LRRC8B: variants seen among roughly 807,000 people sequenced by gnomAD.
The protein encoded by LRRC8B is volume-regulated anion channel subunit LRRC8B.
In LRRC8B, 23 loss-of-function variants were observed where a neutral mutation model predicts 58.8. The ratio of observed to expected loss-of-function variants is 0.39; its 90% CI spans 0.28 to 0.55. The LOEUF (loss-of-function observed/expected upper bound fraction) is 0.55, where lower values mean the gene tolerates loss of function less well. Ranked by LOEUF, LRRC8B falls within the 20% of genes least tolerant of loss-of-function variation. The pLI is 0.62. For synonymous variants in LRRC8B, 359 were observed against 374.1 expected (o/e 0.96, Z 0.47); for missense variants, 694 against 936.0 (o/e 0.74, Z 3.37).
At chr1:89,565,825 C>T (rs1162814906) in intron 1 of LRRC8B, among the ~76,000 whole-genome samples, 1 of 152,222 alleles carries the variant, frequency 6.6e-6, no homozygotes, top group African/African-American at 2.4e-5. Context: ...TTTGATGCCA[C>T]TTCACACTGG....
Position 89,584,670 on chromosome 1 carries a change from C to A in LRRC8B, c.2020C>A (p.Gln674Lys). The change falls in exon 5 of 6, where the codon CAG becomes AAG. Residue 674 changes from glutamine (Q) to lysine (K), a missense_variant. Transcript: ENST00000330947. Reference sequence around the variant, plus strand: ...TAATAATATTGAGAATCTGCCCTTGCAGCTTTTCCTATGCACTAAACTACA... The same window carrying A: ...TAATAATATTGAGAATCTGCCCTTGAAGCTTTTCCTATGCACTAAACTACA... ...DHNNIENLPL[Q>K]LFLCTKLHYL... The A allele has an allele frequency of 6.2e-7, 1 of 1,613,970 alleles. No homozygotes were observed. The highest frequency in any genetic ancestry group is 1.3e-5 in the African/African-American group (1 of 75,056).
At chr1:89,582,230 A>AAAG (rs1553159363) in intron 4 of LRRC8B, among the ~76,000 whole-genome samples, 1 of 150,222 alleles carries the variant, frequency 6.7e-6, no homozygotes, top group Non-Finnish European at 1.5e-5. Flanking sequence ...AAGGAAGAAA[A>AAAG]AAAGAAAGAA....
intron 4 of LRRC8B, among the ~76,000 whole-genome samples, chr1:89,581,267 C>T (rs1283991189): frequency 2.4e-5 from 3 of 122,686 alleles, no homozygotes; most frequent in Non-Finnish European, 3.5e-5. Flanking sequence ...CCACTAGACT[C>T]CGTCTCAAAA....
At chr1:89,543,863 C>G (rs1651208033) in intron 1 of LRRC8B, among the ~76,000 whole-genome samples, 1 of 151,818 alleles carries the variant, frequency 6.6e-6, no homozygotes, top group African/African-American at 2.4e-5. Context: ...TCATGGCTCA[C>G]TCCAGCCCCG....
chr1:89,542,923 A>G (rs1345758398), intron 1 of LRRC8B, among the ~76,000 whole-genome samples: 1 of 152,226 alleles, frequency 6.6e-6, no homozygotes, highest in Non-Finnish European at 1.5e-5. Flanking sequence ...TATTAAGGCA[A>G]GCTCCACCTG....
chr1:89,571,403 G>A (rs927318596), intron 3 of LRRC8B, among the ~76,000 whole-genome samples: 2 of 152,196 alleles, frequency 1.3e-5, no homozygotes, highest in Admixed American at 6.5e-5. Context: ...TTGAGCAATG[G>A]TTTGTAGTTC....
chr1:89,577,964 G>A (rs1025726678), intron 3 of LRRC8B, among the ~76,000 whole-genome samples: 1 of 152,162 alleles, frequency 6.6e-6, no homozygotes, highest in African/African-American at 2.4e-5. Context: ...ATGTGGTCTG[G>A]TGTGCATGAG....
intron 3 of LRRC8B, among the ~76,000 whole-genome samples, chr1:89,573,224 T>C (rs12145608): frequency 0.47 from 71,567 of 151,188 alleles, 17,728 homozygotes; most frequent in South Asian, 0.57. Context: ...GGTGTGAACC[T>C]GGGAGGCGGA....
At chr1:89,528,619 G>T (rs770226711) in intron 1 of LRRC8B, among the ~76,000 whole-genome samples, 5 of 152,188 alleles carry the variant, frequency 3.3e-5, no homozygotes, top group Non-Finnish European at 5.9e-5. Context: ...TATTCAAAAT[G>T]ATGCTTGTTT....
chr1:89,560,176 C>G (rs754299300), intron 1 of LRRC8B, among the ~76,000 whole-genome samples: 1 of 152,182 alleles, frequency 6.6e-6, no homozygotes. Context: ...TTCCTAACAC[C>G]TAGTTGGGTA....
At chr1:89,586,740 G>T (rs1654652812) in intron 5 of LRRC8B, among the ~76,000 whole-genome samples, 1 of 152,160 alleles carries the variant, frequency 6.6e-6, no homozygotes, top group Non-Finnish European at 1.5e-5. Flanking sequence ...TTTTTGAGTG[G>T]GTTGTCCCAG....
rs1024259415 is a variant in LRRC8B, at chr1:89,583,397, G to A, written c.747G>A (p.Glu249=). The change falls in exon 5 of 6, where the codon GAG becomes GAA. Residue 249 remains glutamate (E), a synonymous_variant. Coordinates refer to ENST00000330947, the MANE Select transcript of LRRC8B (RefSeq NM_001369817.2). The surrounding 1 kb of genome is among the most constrained non-coding windows in gnomAD (Gnocchi z 5.2). ...TGAAAAGATTCCGCATGCATGTGGA[G>A]CAGAAGGACATCATTTATAGAGTAT... ...EKVKRFRMHV[E]QKDIIYRVYL... The A allele has an allele frequency of 1.9e-6, 3 of 1,614,198 alleles. No homozygotes were observed. The highest frequency in any genetic ancestry group is 2.2e-5 in the South Asian group (2 of 91,086).
At chr1:89,548,986 T>C (rs151168187) in intron 1 of LRRC8B, among the ~76,000 whole-genome samples, 9 of 152,246 alleles carry the variant, frequency 5.9e-5, no homozygotes, top group Admixed American at 2.0e-4. Context: ...AAAGGACATA[T>C]TAAGTTCCTG....
At chr1:89,562,704 C>G (rs1013040731) in intron 1 of LRRC8B, among the ~76,000 whole-genome samples, 1 of 152,152 alleles carries the variant, frequency 6.6e-6, no homozygotes, top group Non-Finnish European at 1.5e-5. Context: ...CTCCTGGGCT[C>G]AAGTATCTTC....
intron 1 of LRRC8B, among the ~76,000 whole-genome samples, chr1:89,560,899 C>G (rs1358402502): frequency 6.6e-6 from 1 of 152,072 alleles, no homozygotes; most frequent in Non-Finnish European, 1.5e-5. Context: ...TGAGTATATA[C>G]CCAGTAATGG....
At position 89,584,260 on chromosome 1, in the gene LRRC8B, TA is replaced by T; in HGVS notation, c.1616del (p.Asn539IlefsTer2). The T allele has an allele frequency of 6.2e-7, 1 of 1,613,436 alleles. No individual in the cohort carries two copies. The highest frequency in any genetic ancestry group is 8.5e-7 in the Non-Finnish European group (1 of 1,180,018). On this transcript the variant is annotated frameshift_variant, in exon 5 of 6. Transcript: ENST00000330947. LOFTEE classifies it high-confidence loss of function. ...ATGCAGTTGGAGGGCTTTCAGGACT[TA>T]AAAAATCTAAGGACCCTGTACTTGA... Reference protein sequence around the residue: ...STMQLEGFQDLKNLRTLYLKS... With the variant: ...STMQLEGFQDXKNLRTLYLKS...
intron 1 of LRRC8B, among the ~76,000 whole-genome samples, chr1:89,534,462 A>C (rs1043127508): frequency 5.3e-5 from 8 of 152,022 alleles, no homozygotes; most frequent in African/African-American, 1.9e-4. Flanking sequence ...ACTTAATCCC[A>C]GTGTAACACT....
At chr1:89,591,496 T>C (rs1654972426) in intron 5 of LRRC8B, among the ~76,000 whole-genome samples, 1 of 152,186 alleles carries the variant, frequency 6.6e-6, no homozygotes, top group African/African-American at 2.4e-5. Context: ...AATATTTTGG[T>C]GTACAATGAT....
chr1:89,540,889 G>A (rs1422638326), intron 1 of LRRC8B, among the ~76,000 whole-genome samples: 2 of 152,150 alleles, frequency 1.3e-5, no homozygotes, highest in Non-Finnish European at 2.9e-5. Context: ...AGATCCTATG[G>A]TAATTACTTA....
Sources: gnomAD v4.1 joint callset for allele counts (sites outside exome capture counted in the v4.1 genomes callset) on GRCh38, gnomAD v4.1.1 for gene constraint, Gnocchi (gnomAD v3.1) non-coding constraint, MANE v1.5 for transcripts, NCBI Gene and HGNC (gene_info 2026-07-23, HGNC 2026-07-21) for gene names.